SERPINA9: variants seen among roughly 807,000 people sequenced by gnomAD.
The protein encoded by SERPINA9 is serpin A9.
In SERPINA9, 32 loss-of-function variants were observed where a neutral mutation model predicts 24.5. The ratio of observed to expected loss-of-function variants is 1.30; its 90% CI spans 0.98 to 1.75. The LOEUF (loss-of-function observed/expected upper bound fraction) is 1.75. Ranked by LOEUF, SERPINA9 falls within the 40% of genes most tolerant of loss-of-function variation. SERPINA9 has a pLI of 0.00. For synonymous variants in SERPINA9, 233 were observed against 197.7 expected (o/e 1.18, Z -1.50); for missense variants, 594 against 497.1 (o/e 1.19, Z -1.85).
chr14:94,463,109 T>G lies in SERPINA9; in HGVS notation c.1238A>C (p.Asn413Thr). 6.2e-7 allele frequency: 1 copy of G among 1,614,020 alleles called. No individual in the cohort carries two copies. The highest frequency in any genetic ancestry group is 8.5e-7 in the Non-Finnish European group (1 of 1,179,852). ...ATTTCCCACCTAGGATTTAGTGGGATTTTCCACTTTCCCTAGAAAGAGAAT... is the reference window on the plus strand; with the variant it reads ...ATTTCCCACCTAGGATTTAGTGGGAGTTTCCACTTTCCCTAGAAAGAGAAT... ...DGILFLGKVE[N>T]PTKS is the part of the protein sequence containing the mutation. The change falls in exon 5 of 5, where the codon AAT becomes ACT. Residue 413 changes from asparagine to threonine, a missense_variant. Asn to Thr is a moderately conservative substitution (Grantham distance 65). Coordinates refer to ENST00000674397, the MANE Select transcript of SERPINA9 (RefSeq NM_175739.4).
At chr14:94,470,235 G>T in intron 1 of SERPINA9, 1 of 1,003,478 alleles carries the variant, frequency 1.0e-6, no homozygotes, top group East Asian at 1.0e-4. Flanking sequence ...TTAGCAGCCA[G>T]AAGTGGTTTC....
rs530566729 is a variant in SERPINA9 at position 94,468,315 on chromosome 14, T to A, written c.628+898A>T. Among the ~76,000 whole-genome samples the A allele has an allele frequency of 2.6e-5, 4 of 152,134 alleles. No individual in the cohort carries two copies. The East Asian group carries it at 5.8e-4, about 22-fold the overall frequency. ...ATGGCTGGCTGGTTGGTTAGGCGCA[T>A]GCCTGGATGGATGGACAGATAAACT... is the stretch of plus-strand genomic sequence containing the variant. On this transcript the variant is annotated intron_variant, in intron 2 of 4. Transcript: ENST00000674397.
In SERPINA9 at chr14:94,462,801, T is replaced by C. The variant is rs1477131701; in HGVS notation, c.*292A>G. On this transcript the variant is annotated 3_prime_UTR_variant, in exon 5 of 5. Coordinates refer to ENST00000674397, the MANE Select transcript of SERPINA9 (RefSeq NM_175739.4). ...TAGAGGTGCCTAACCTGGGTTGGCGTATTTCCATTCCTGGGAGCCCCAAGG... is the reference window on the plus strand; with the variant it reads ...TAGAGGTGCCTAACCTGGGTTGGCGCATTTCCATTCCTGGGAGCCCCAAGG... 1 of 397,952 alleles carries C rather than the reference T, an allele frequency of 2.5e-6. No homozygotes were observed. Among genetic ancestry groups the C allele is most frequent in the Non-Finnish European group, 4.7e-6 (1 of 214,432 alleles). The allele number at this position is 397,952 out of a possible 1,614,324, so 24.7% of individuals were successfully genotyped here.
chr14:94,467,827 G>A (rs2139806035), intron 2 of SERPINA9, among the ~76,000 whole-genome samples: 1 of 152,144 alleles, frequency 6.6e-6, no homozygotes, highest in East Asian at 1.9e-4. Context: ...ATGGATGGAT[G>A]AACCGATAGA....
At chr14:94,472,495 C>G (rs137861858) in intron 1 of SERPINA9, among the ~76,000 whole-genome samples, 1 of 152,188 alleles carries the variant, frequency 6.6e-6, no homozygotes, top group Non-Finnish European at 1.5e-5. Context: ...ACTGACCACA[C>G]GCGTGCCTTT....
chr14:94,476,043 C>T (rs770716743), intron 1 of SERPINA9, 93 bp downstream of exon 1: 1 of 1,579,748 alleles, frequency 6.3e-7, no homozygotes. Context: ...TTCCCAGCTG[C>T]ATTTGACACT....
intron 3 of SERPINA9, among the ~76,000 whole-genome samples, chr14:94,466,076 C>T (rs1410279317): frequency 6.6e-6 from 1 of 152,194 alleles, no homozygotes; most frequent in Non-Finnish European, 1.5e-5. Context: ...GCTCCATCTG[C>T]TGCTCTGTAC....
chr14:94,475,787 G>T (rs577755038), intron 1 of SERPINA9: 2 of 379,818 alleles, frequency 5.3e-6, no homozygotes, highest in East Asian at 4.5e-5. Flanking sequence ...TTAAGACAAA[G>T]AAACCAACAA....
rs1899205931 is a variant in SERPINA9, at chr14:94,469,651, G to A, written c.190C>T (p.Pro64Ser). 1 of 1,613,996 alleles carries A rather than the reference G, an allele frequency of 6.2e-7. No homozygotes were observed. The highest frequency in any genetic ancestry group is 1.3e-5 in the African/African-American group (1 of 74,890). Residue 64 changes from proline (P) to serine (S), a missense_variant, in exon 2 of 5, where the codon CCG (proline) becomes TCG (serine). Physicochemically the swap from Pro to Ser is moderately conservative, Grantham distance 74 (BLOSUM62 -1). Coordinates refer to ENST00000674397, the MANE Select transcript of SERPINA9 (RefSeq NM_175739.4). ...RLYRRLVLET[P>S]SQNIFFSPVS... ...GGGGAGAAGAAGATGTTCTGACTCG[G>A]GGTCTCCAAAACCAGCCTGCGGTAT...
intron 3 of SERPINA9, among the ~76,000 whole-genome samples, chr14:94,466,850 A>G (rs1165624732): frequency 6.6e-6 from 1 of 152,220 alleles, no homozygotes; most frequent in African/African-American, 2.4e-5. Context: ...TAACAGCTAC[A>G]TGACCTTGGG....
At chr14:94,466,548 A>G (rs1203645893) in intron 3 of SERPINA9, among the ~76,000 whole-genome samples, 2 of 152,192 alleles carry the variant, frequency 1.3e-5, no homozygotes, top group Admixed American at 6.5e-5. Context: ...TTTTTATCTC[A>G]TGATTAATCT....
Position 94,467,161 on chromosome 14 carries a change from G to C in SERPINA9, c.850C>G (p.Gln284Glu), listed in dbSNP as rs975200178. 3.1e-6 allele frequency: 5 copies of C among 1,614,218 alleles called. No homozygotes were observed. In the African/African-American group the frequency reaches 4.0e-5, roughly 13 times the overall value. ...CTCAGTGTTCTGGCTGACAAGGCCT[G>C]TTCCAGTTGCCTCATCTTGCCCTTG... ...PSKGKMRQLEQALSARTLRKW... is the reference protein window; with the variant it reads ...PSKGKMRQLEEALSARTLRKW... The change falls in exon 3 of 5, where the codon CAG becomes GAG. Residue 284 changes from glutamine (Q) to glutamate (E), a missense_variant. Gln to Glu is a conservative substitution (Grantham distance 29). Transcript: ENST00000674397.
intron 2 of SERPINA9, among the ~76,000 whole-genome samples, chr14:94,467,740 G>A (rs1302252875): frequency 6.6e-6 from 1 of 152,058 alleles, no homozygotes; most frequent in Non-Finnish European, 1.5e-5. Context: ...GGCAGATGGA[G>A]GGTGGATGGA....
At chr14:94,463,378 C>A in intron 4 of SERPINA9, 82 bp from the exon 5 acceptor site, 1 of 1,249,706 alleles carries the variant, frequency 8.0e-7, no homozygotes, top group Non-Finnish European at 1.2e-6. Context: ...GTGCTTTTGC[C>A]CTGGAATGGT....
chr14:94,463,097 G>A lies in SERPINA9; in HGVS notation c.1250C>T (p.Ser417Phe), dbSNP rs374213651. Residue 417 changes from serine (S) to phenylalanine (F), a missense_variant, in exon 5 of 5, where the codon TCC (serine) becomes TTC (phenylalanine). Coordinates refer to ENST00000674397, the MANE Select transcript of SERPINA9 (RefSeq NM_175739.4). ...FLGKVENPTK[S>F] ...AGTTAACAGGCCATTTCCCACCTAG[G>A]ATTTAGTGGGATTTTCCACTTTCCC... The A allele has an allele frequency of 1.9e-5, 31 of 1,611,326 alleles. No homozygotes were observed. Among genetic ancestry groups the A allele is most frequent in the Non-Finnish European group, 2.6e-5 (31 of 1,177,404 alleles).
intron 1 of SERPINA9, among the ~76,000 whole-genome samples, chr14:94,473,557 A>G (rs573443328): frequency 3.3e-5 from 5 of 150,884 alleles, no homozygotes; most frequent in African/African-American, 9.7e-5. Context: ...ACAACAAAAA[A>G]CCAGGGAGGT....
chr14:94,467,520 C>T, intron 2 of SERPINA9, 138 bp from the exon 3 acceptor site: 2 of 736,436 alleles, frequency 2.7e-6, no homozygotes, highest in Non-Finnish European at 4.3e-6. Context: ...TGATATTACA[C>T]AGCGGAGTAG....
At chr14:94,464,642 C>T (rs1051369811) in intron 4 of SERPINA9, 65 bp downstream of exon 4, 86 of 1,310,026 alleles carry the variant, frequency 6.6e-5, no homozygotes, top group African/African-American at 2.6e-4. Context: ...GAAATAAGAG[C>T]ATGTGATTAA....
chr14:94,476,089 T>G, intron 1 of SERPINA9, 47 bp downstream of exon 1: 1 of 1,613,926 alleles, frequency 6.2e-7, no homozygotes, highest in Non-Finnish European at 8.5e-7. Flanking sequence ...TCCCTCTGGC[T>G]CAGTGACACC....
Sources: gnomAD v4.1 joint callset for allele counts (sites outside exome capture counted in the v4.1 genomes callset) on GRCh38, gnomAD v4.1.1 for gene constraint, MANE v1.5 for transcripts, NCBI Gene and HGNC (gene_info 2026-07-23, HGNC 2026-07-21) for gene names.